The following CATSPER2 variants were observed in gnomAD, a reference collection of about 807,000 sequenced individuals.
CATSPER2 encodes cation channel sperm-associated protein 2.
Under a neutral mutation model 68.8 loss-of-function variants are expected in CATSPER2, and 56 were observed. The observed-to-expected ratio is 0.81, with a 90% CI of 0.66 to 1.02. The LOEUF is 1.02. Among genes scored for constraint, CATSPER2 ranks in the 50% least tolerant of loss-of-function variants. The pLI is 0.00. For synonymous variants in CATSPER2, 198 were observed against 229.9 expected (o/e 0.86, Z 1.26); for missense variants, 582 against 642.0 (o/e 0.91, Z 1.01).
At chr15:43,641,898 A>G (rs956404804) in intron 4 of CATSPER2, among the ~76,000 whole-genome samples, 31 of 151,514 alleles carry the variant, frequency 2.0e-4, no homozygotes, top group African/African-American at 7.5e-4. Flanking sequence ...GGGTCTCCCT[A>G]TGCTGCCCAG....
chr15:43,632,598 T>A (rs1389275879), intron 11 of CATSPER2, 119 bp downstream of exon 11: 11 of 1,581,198 alleles, frequency 7.0e-6, no homozygotes, highest in Admixed American at 1.8e-5. Flanking sequence ...AACAAAGTAA[T>A]TAAGACCAGA....
intron 2 of CATSPER2, among the ~76,000 whole-genome samples, 163 bp from the exon 3 acceptor site, chr15:43,647,630 T>G (rs1473571510): frequency 3.3e-5 from 5 of 151,938 alleles, no homozygotes; most frequent in African/African-American, 1.2e-4. Flanking sequence ...TGAGAGCAAA[T>G]GTATTGCTTA....
chr15:43,632,330 T>C lies in CATSPER2; in HGVS notation c.1430A>G (p.Asn477Ser). Residue 477 changes from asparagine to serine, a missense_variant, in exon 12 of 13, where the codon AAT becomes AGT. Physicochemically the swap from Asn to Ser is conservative, Grantham distance 46. This residue lies in a region of CATSPER2 where 235 missense variants were observed against 264.2 expected (regional missense o/e 0.89). Transcript: ENST00000396879. The part of the protein sequence containing the change: ...RLDWETLVHE[N>S]LPGLMEMDQD... ...ATCCATTTCCATTAGCCCGGGCAGATTTTCGTGCACAAGAGTCTCCCAGTC... is the reference window on the plus strand; with the variant it reads ...ATCCATTTCCATTAGCCCGGGCAGACTTTCGTGCACAAGAGTCTCCCAGTC... 6.2e-7 allele frequency: 1 copy of C among 1,613,640 alleles called. No homozygotes were observed. Among genetic ancestry groups the C allele is most frequent in the East Asian group, 2.2e-5 (1 of 44,844 alleles).
At chr15:43,633,556 A>G (rs2085912608) in intron 10 of CATSPER2, 2 of 158,362 alleles carry the variant, frequency 1.3e-5, no homozygotes, top group African/African-American at 4.8e-5. Context: ...CAATCTTCTT[A>G]CAGATATCCA....
chr15:43,645,783 ACT>A (rs920725300), intron 4 of CATSPER2, among the ~76,000 whole-genome samples: 8 of 151,918 alleles, frequency 5.3e-5, no homozygotes, highest in Non-Finnish European at 1.0e-4. Context: ...ACAAAGTGAG[ACT>A]CTGTCTCTAA....
At chr15:43,637,180 C>T (rs17795279) in intron 7 of CATSPER2, among the ~76,000 whole-genome samples, 20,278 of 151,672 alleles carry the variant, frequency 0.13, 1,741 homozygotes, top group Middle Eastern at 0.25. Context: ...GAAGATCACT[C>T]GCAAATTTAG....
intron 4 of CATSPER2, among the ~76,000 whole-genome samples, chr15:43,646,553 GC>G (rs969747866): frequency 6.6e-6 from 1 of 151,432 alleles, no homozygotes; most frequent in Non-Finnish European, 1.5e-5. Context: ...GAGCTACCGT[GC>G]CCAGCGAATA....
At chr15:43,637,554 A>G (rs941725621) in intron 7 of CATSPER2, 2 of 151,988 alleles carry the variant, frequency 1.3e-5, no homozygotes, top group African/African-American at 4.8e-5. Flanking sequence ...ATTGAATTCT[A>G]ATTCATAAAC....
Position 43,648,757 on chromosome 15 carries a change from T to C in CATSPER2, c.-131A>G. 2.0e-6 allele frequency: 3 copies of C among 1,525,202 alleles called. No homozygotes were observed. Among genetic ancestry groups the C allele is most frequent in the East Asian group, 2.5e-5 (1 of 39,726 alleles). The allele number at this position is 1,525,202 out of a possible 1,614,324, so 94.5% of individuals were successfully genotyped here. A position where few individuals can be genotyped will look rare whatever the true frequency, so the allele number is the denominator to read the frequency against. ...CGGCTCCCAGCCTCACTGCGCCCCA[T>C]TCCCCGCCCCGCTCGACCCCCAGGT... On this transcript the variant is annotated 5_prime_UTR_variant, in exon 1 of 13. The change abolishes an upstream ATG in the 5' untranslated region. Transcript: ENST00000396879.
intron 2 of CATSPER2, 115 bp downstream of exon 2, chr15:43,647,799 TTGA>T: frequency 3.4e-6 from 4 of 1,179,208 alleles, no homozygotes; most frequent in Non-Finnish European, 5.1e-6. Context: ...TTACAAGCCC[TTGA>T]TTTATCAAGT....
At chr15:43,638,296 T>TTTC (rs2086004838) in intron 7 of CATSPER2, among the ~76,000 whole-genome samples, 1 of 138,306 alleles carries the variant, frequency 7.2e-6, no homozygotes, top group East Asian at 2.1e-4. Context: ...CTTTTTTTTT[T>TTTC]TTTTTTTTTT....
intron 4 of CATSPER2, chr15:43,642,292 G>A (rs941193464): frequency 6.6e-6 from 1 of 151,816 alleles, no homozygotes; most frequent in East Asian, 1.9e-4. Context: ...TAGAGACAGG[G>A]TTTCACCATG....
At chr15:43,643,608 A>G (rs1235758675) in intron 4 of CATSPER2, among the ~76,000 whole-genome samples, 1 of 151,930 alleles carries the variant, frequency 6.6e-6, no homozygotes, top group South Asian at 2.1e-4. Flanking sequence ...AATTGCTGGG[A>G]TTACAGGTGT....
At chr15:43,635,188 G>T (rs1386958831) in intron 10 of CATSPER2, 172 bp downstream of exon 10, 2 of 708,488 alleles carry the variant, frequency 2.8e-6, no homozygotes, top group Non-Finnish European at 5.1e-6. Context: ...CACATTCACA[G>T]GTTCCAGGGA....
At chr15:43,647,600 A>T in intron 2 of CATSPER2, 133 bp from the exon 3 acceptor site, 2 of 873,504 alleles carry the variant, frequency 2.3e-6, no homozygotes, top group Non-Finnish European at 3.9e-6. Context: ...TCTCACAGCA[A>T]CTAAGAATTC....
chr15:43,633,656 A>G (rs1216608023), intron 10 of CATSPER2: 2 of 152,380 alleles, frequency 1.3e-5, no homozygotes, highest in Non-Finnish European at 2.9e-5. Context: ...ACTACAACCC[A>G]TCTGCAGCTG....
chr15:43,646,784 G>A (rs866872147), intron 4 of CATSPER2, among the ~76,000 whole-genome samples: 24 of 147,356 alleles, frequency 1.6e-4, no homozygotes, highest in African/African-American at 5.3e-4. Context: ...GCACAATCTC[G>A]GCTCACTGAA....
chr15:43,632,380 T>C lies in CATSPER2; in HGVS notation c.1397-17A>G. The C allele has an allele frequency of 3.1e-6, 5 of 1,613,034 alleles. No homozygotes were observed. The highest frequency in any genetic ancestry group is 4.2e-6 in the Non-Finnish European group (5 of 1,179,664). On this transcript the variant is annotated splice_polypyrimidine_tract_variant and intron_variant, in intron 11 of 12. Transcript: ENST00000396879. Reference sequence around the variant, plus strand: ...CCAAACGACCTGCAGGGAGGAATGCTTCAGAAAAGCACGTCTAGATTTGTA... The same window carrying C: ...CCAAACGACCTGCAGGGAGGAATGCCTCAGAAAAGCACGTCTAGATTTGTA...
rs1244334058 is a variant in CATSPER2, at chr15:43,646,551, G to A, written c.388+499C>T. ...GCTGAGATTACAGGTGTGAGCTACC[G>A]TGCCCAGCGAATATTTCTAGATTTT... On this transcript the variant is annotated intron_variant, in intron 4 of 12. Transcript: ENST00000396879. 5.9e-5 allele frequency among the ~76,000 whole-genome samples: 9 copies of A among 151,332 alleles called. 1 individual carries two copies. Among genetic ancestry groups the A allele is most frequent in the Non-Finnish European group, 8.8e-5 (6 of 67,822 alleles).
Sources: gnomAD v4.1 joint callset for allele counts (sites outside exome capture counted in the v4.1 genomes callset) on GRCh38, gnomAD v4.1.1 for gene constraint, gnomAD v4.1.1 regional missense constraint, MANE v1.5 for transcripts, NCBI Gene and HGNC (gene_info 2026-07-23, HGNC 2026-07-21) for gene names.